DGKI: variants seen among roughly 807,000 people sequenced by gnomAD.
The protein encoded by DGKI is DAG kinase iota.
DGKI carries 55 observed loss-of-function variants against 147.5 expected under a neutral mutation model. That is an observed-to-expected ratio of 0.37 (90% CI 0.30 to 0.47). The LOEUF is 0.47. Among genes scored for constraint, DGKI ranks in the 20% least tolerant of loss-of-function variants. The pLI is 1.00. For missense variants in DGKI, 1,007 were observed against 1,323.8 expected (o/e 0.76, Z 3.71); for synonymous variants, 469 against 477.1 (o/e 0.98, Z 0.22).
intron 1 of DGKI, among the ~76,000 whole-genome samples, chr7:137,784,010 AC>A (rs1796595333): frequency 6.6e-6 from 1 of 152,138 alleles, no homozygotes; most frequent in Non-Finnish European, 1.5e-5. Context: ...TCAAAATAGA[AC>A]CTTCTTAAAT....
intron 6 of DGKI, among the ~76,000 whole-genome samples, chr7:137,626,875 C>G (rs1820962615): frequency 6.6e-6 from 1 of 152,114 alleles, no homozygotes. Context: ...ATGATGCTTT[C>G]TAAGTTTCTG....
chr7:137,768,493 A>AATG (rs1354915691), intron 1 of DGKI, among the ~76,000 whole-genome samples: 2 of 152,306 alleles, frequency 1.3e-5, no homozygotes, highest in African/African-American at 4.8e-5. Context: ...GACTCTCAAG[A>AATG]AGCAGCTTCT....
intron 1 of DGKI, among the ~76,000 whole-genome samples, chr7:137,747,310 G>A (rs550002008): frequency 2.0e-5 from 3 of 152,276 alleles, no homozygotes; most frequent in African/African-American, 7.2e-5. Flanking sequence ...CAAAATGTGA[G>A]CAGAAGTAAT....
intron 21 of DGKI, among the ~76,000 whole-genome samples, chr7:137,503,748 C>T (rs1279501022): frequency 6.6e-6 from 1 of 152,040 alleles, no homozygotes; most frequent in Non-Finnish European, 1.5e-5. Context: ...TATGTAAAGG[C>T]CCAATGTACT....
chr7:137,620,919 T>G (rs1295723049), intron 7 of DGKI, among the ~76,000 whole-genome samples: 2 of 152,226 alleles, frequency 1.3e-5, no homozygotes, highest in Non-Finnish European at 2.9e-5. Context: ...AGATTATACT[T>G]CACGTAACTA....
intron 2 of DGKI, among the ~76,000 whole-genome samples, chr7:137,682,067 A>G (rs1406610282): frequency 6.6e-6 from 1 of 152,204 alleles, no homozygotes; most frequent in Admixed American, 6.5e-5. Context: ...AAAGGACTGT[A>G]ATAAACCACA....
intron 28 of DGKI, among the ~76,000 whole-genome samples, chr7:137,426,483 T>C (rs1362412894): frequency 6.6e-6 from 1 of 152,100 alleles, no homozygotes; most frequent in Non-Finnish European, 1.5e-5. Flanking sequence ...AGGAAGAAAC[T>C]GCATCAACTA....
At chr7:137,775,205 T>C (rs1460126098) in intron 1 of DGKI, among the ~76,000 whole-genome samples, 1 of 152,100 alleles carries the variant, frequency 6.6e-6, no homozygotes, top group Non-Finnish European at 1.5e-5. Context: ...GGAAATCCAG[T>C]CCAAAGATTA....
intron 1 of DGKI, chr7:137,775,026 CG>C (rs1008036018): frequency 1.3e-5 from 2 of 151,884 alleles, no homozygotes; most frequent in African/African-American, 4.8e-5. Context: ...TCTCCTCACA[CG>C]GTTTTTTTTT....
intron 12 of DGKI, among the ~76,000 whole-genome samples, chr7:137,588,468 A>G (rs919805461): frequency 2.2e-5 from 3 of 136,926 alleles, no homozygotes; most frequent in African/African-American, 9.7e-5. Context: ...AGATGGACAT[A>G]CCGATGCTTT....
At position 137,487,705 on chromosome 7, in the gene DGKI, G is replaced by C; in HGVS notation, c.2249-16C>G. ...AGAGGTATCGCTAAGGGTGAAGGAAGAAGAAAAATCTAAAATAACATATTT... is the reference window on the plus strand; with the variant it reads ...AGAGGTATCGCTAAGGGTGAAGGAACAAGAAAAATCTAAAATAACATATTT... On this transcript the variant is annotated splice_polypyrimidine_tract_variant and intron_variant, in intron 21 of 32. Transcript: ENST00000614521. 1 of 1,608,230 alleles carries C rather than the reference G, an allele frequency of 6.2e-7. No homozygotes were observed. Among genetic ancestry groups the C allele is most frequent in the Non-Finnish European group, 8.5e-7 (1 of 1,176,430 alleles).
Position 137,664,251 on chromosome 7 carries a change from G to A in DGKI, c.607-7711C>T, listed in dbSNP as rs577729896. Among the ~76,000 whole-genome samples, 8 of 151,792 alleles carry A rather than the reference G, an allele frequency of 5.3e-5. No individual in the cohort carries two copies. The South Asian group carries it at 6.2e-4, about 12-fold the overall frequency. ...AAATTAGCTGGGCATGGTGGCGGGC[G>A]CCTGTAATCCCAGCTACCCGGGAGG... On this transcript the variant is annotated intron_variant, in intron 3 of 32. Coordinates refer to ENST00000614521, the MANE Select transcript of DGKI (RefSeq NM_001321708.2).
At chr7:137,535,772 C>A (rs112172364) in intron 20 of DGKI, among the ~76,000 whole-genome samples, 1 of 152,036 alleles carries the variant, frequency 6.6e-6, no homozygotes, top group African/African-American at 2.4e-5. Flanking sequence ...AAGTGTATTG[C>A]GCCTTTACAT....
chr7:137,665,585 T>C (rs927012832), intron 3 of DGKI, among the ~76,000 whole-genome samples: 4 of 152,180 alleles, frequency 2.6e-5, no homozygotes, highest in Non-Finnish European at 5.9e-5. Context: ...ATTCTGCATA[T>C]GAAGTGTTTA....
intron 1 of DGKI, among the ~76,000 whole-genome samples, chr7:137,715,307 G>A (rs1794343465): frequency 1.3e-5 from 2 of 152,188 alleles, no homozygotes; most frequent in African/African-American, 4.8e-5. Flanking sequence ...AGCCAAGCTT[G>A]GGAAATACCT....
At chr7:137,740,859 T>A (rs1000790606) in intron 1 of DGKI, among the ~76,000 whole-genome samples, 3 of 152,124 alleles carry the variant, frequency 2.0e-5, no homozygotes, top group Non-Finnish European at 4.4e-5. Context: ...CACACCCTAT[T>A]TTTAAGGTAA....
intron 12 of DGKI, among the ~76,000 whole-genome samples, chr7:137,592,978 G>T (rs1819667453): frequency 6.6e-6 from 1 of 152,168 alleles, no homozygotes; most frequent in South Asian, 2.1e-4. Context: ...TGAGGAAAGG[G>T]GCTTAGGATG....
chr7:137,735,695 A>C (rs1795002816), intron 1 of DGKI, among the ~76,000 whole-genome samples: 1 of 152,168 alleles, frequency 6.6e-6, no homozygotes, highest in South Asian at 2.1e-4. Flanking sequence ...AGCAAACTGC[A>C]TAAGGATTCC....
chr7:137,646,337 G>C lies in DGKI; in HGVS notation c.739-800C>G, dbSNP rs553559708. On this transcript the variant is annotated intron_variant, in intron 5 of 32. Transcript: ENST00000614521. Reference sequence around the variant, plus strand: ...GAGATGTCAAGGACAAGAGATACAAGCATATCAATGATGTTTTTGCAATGG... The same window carrying C: ...GAGATGTCAAGGACAAGAGATACAACCATATCAATGATGTTTTTGCAATGG... Among the ~76,000 whole-genome samples, 3 of 152,282 alleles carry C rather than the reference G, an allele frequency of 2.0e-5. No individual in the cohort carries two copies. In the East Asian group the frequency reaches 5.8e-4, roughly 29 times the overall value.
Sources: gnomAD v4.1 joint callset for allele counts (sites outside exome capture counted in the v4.1 genomes callset) on GRCh38, gnomAD v4.1.1 for gene constraint, MANE v1.5 for transcripts, NCBI Gene and HGNC (gene_info 2026-07-23, HGNC 2026-07-21) for gene names.